PRKN: variants seen among roughly 807,000 people sequenced by gnomAD.
The protein encoded by PRKN is parkin RBR E3 ubiquitin protein ligase, also known as E3 ubiquitin-protein ligase parkin.
Under a neutral mutation model 59.5 loss-of-function variants are expected in PRKN, and 56 were observed. The ratio of observed to expected loss-of-function variants is 0.94; its 90% confidence interval spans 0.76 to 1.18. The LOEUF is 1.18. Ranked by LOEUF, PRKN falls within the 50% of genes most tolerant of loss-of-function variation. The pLI is 0.00. For missense variants in PRKN, 657 were observed against 596.4 expected (o/e 1.10, Z -1.06); for synonymous variants, 250 against 222.1 (o/e 1.13, Z -1.12).
chr6:161,428,059 G>C lies in PRKN; in HGVS notation c.1084-41182C>G, dbSNP rs146907692. Among the ~76,000 whole-genome samples the C allele has an allele frequency of 6.6e-6, 1 of 152,150 alleles. No individual in the cohort carries two copies. The highest frequency in any genetic ancestry group is 1.5e-5 in the Non-Finnish European group (1 of 68,036). ...CTCGCTGCAGTCTGAGTGTGTCTCC[G>C]TGGAGCTCGGCATTTGGACACAGCT... On this transcript the variant is annotated intron_variant, in intron 9 of 11. Transcript: ENST00000366898. The surrounding 1 kb of genome is among the most constrained non-coding windows in gnomAD (Gnocchi z 4.0).
At chr6:161,622,040 G>A (rs747586324) in intron 7 of PRKN, among the ~76,000 whole-genome samples, 31 of 152,034 alleles carry the variant, frequency 2.0e-4, no homozygotes, top group Non-Finnish European at 3.5e-4. Context: ...CTGGTGTAAC[G>A]AGCGCTTTTG....
chr6:162,337,682 C>T (rs1783905522), intron 2 of PRKN, among the ~76,000 whole-genome samples: 1 of 152,162 alleles, frequency 6.6e-6, no homozygotes, highest in African/African-American at 2.4e-5. Context: ...ATCATTCCTC[C>T]TTGGCCCCAT....
chr6:161,557,497 A>G (rs6939378), intron 8 of PRKN, among the ~76,000 whole-genome samples: 2,102 of 152,230 alleles, frequency 0.014, 46 homozygotes, highest in African/African-American at 0.049. Flanking sequence ...TGTTGACTGC[A>G]TGTTAAGTAC....
intron 7 of PRKN, among the ~76,000 whole-genome samples, chr6:161,754,510 T>G (rs1363673269): frequency 6.6e-6 from 1 of 152,020 alleles, no homozygotes; most frequent in Non-Finnish European, 1.5e-5. Context: ...CGGTGCGTGA[T>G]TAGCAGCAGG....
At chr6:162,067,178 C>T (rs1778377539) in intron 4 of PRKN, among the ~76,000 whole-genome samples, 1 of 152,178 alleles carries the variant, frequency 6.6e-6, no homozygotes, top group Admixed American at 6.5e-5. Context: ...TCATGAAGTG[C>T]CACAGCAGCC....
chr6:161,548,038 T>G lies in PRKN; in HGVS notation c.1083+816A>C, dbSNP rs1355267103. ...AATACAACTCTGCTATCTGTGCTCC[T>G]TCTTGCACAAAACTCCTCATGAAGT... On this transcript the variant is annotated intron_variant, in intron 9 of 11. Coordinates refer to ENST00000366898, the MANE Select transcript of PRKN (RefSeq NM_004562.3). The surrounding 1 kb of genome is among the most constrained non-coding windows in gnomAD (Gnocchi z 4.2). Among the ~76,000 whole-genome samples, 1 of 152,228 alleles carries G rather than the reference T, an allele frequency of 6.6e-6. No homozygotes were observed. The highest frequency in any genetic ancestry group is 1.5e-5 in the Non-Finnish European group (1 of 68,046).
chr6:162,240,024 T>C (rs1034327130), intron 3 of PRKN, among the ~76,000 whole-genome samples: 1 of 152,136 alleles, frequency 6.6e-6, no homozygotes, highest in Non-Finnish European at 1.5e-5. Context: ...GGTCACATCA[T>C]AGTAAATCTT....
At position 162,081,869 on chromosome 6, in the gene PRKN, G is replaced by A. The variant is rs80309451; in HGVS notation, c.535-27695C>T. On this transcript the variant is annotated intron_variant, in intron 4 of 11. Transcript: ENST00000366898. ...ACTGTGGCCACCTTCATCATTGACCGTAGCTAGGTCTTCTACATAACTTGA... is the reference window on the plus strand; with the variant it reads ...ACTGTGGCCACCTTCATCATTGACCATAGCTAGGTCTTCTACATAACTTGA... Among the ~76,000 whole-genome samples the A allele has an allele frequency of 1.7e-4, 26 of 152,162 alleles. No homozygotes were observed. The South Asian group carries it at 1.9e-3, about 11-fold the overall frequency.
chr6:161,499,015 CT>C lies in PRKN; in HGVS notation c.1083+49838del, dbSNP rs1408081668. ...GATGCTTTGCAACCTCCGCACATTT[CT>C]CAGAACTCAGGCTGAAACCCTGTGA... On this transcript the variant is annotated intron_variant, in intron 9 of 11. Coordinates refer to ENST00000366898, the MANE Select transcript of PRKN (RefSeq NM_004562.3). The surrounding 1 kb of genome is among the most constrained non-coding windows in gnomAD (Gnocchi z 4.2). Among the ~76,000 whole-genome samples, 2 of 152,122 alleles carry C rather than the reference CT, an allele frequency of 1.3e-5. No homozygotes were observed. The highest frequency in any genetic ancestry group is 2.9e-5 in the Non-Finnish European group (2 of 68,044).
Position 162,727,728 on chromosome 6 carries a change from G to A in PRKN, c.-60C>T, listed in dbSNP as rs1490894997. 2.9e-5 allele frequency: 44 copies of A among 1,534,040 alleles called. 1 individual carries two copies. The African/African-American group carries it at 2.9e-4, about 10-fold the overall frequency. ...CAGGCCCATGCGCGCAGCGGCGCCA[G>A]CCGCGCCTCCCACCAGCGGCTCTCC... On this transcript the variant is annotated 5_prime_UTR_variant, in exon 1 of 12. Coordinates refer to ENST00000366898, the MANE Select transcript of PRKN (RefSeq NM_004562.3).
intron 4 of PRKN, among the ~76,000 whole-genome samples, chr6:162,124,121 C>T (rs576073848): frequency 6.6e-6 from 1 of 152,166 alleles, no homozygotes; most frequent in Non-Finnish European, 1.5e-5. Context: ...GGAGAACTAG[C>T]CTCATCATGC....
At position 161,875,012 on chromosome 6, in the gene PRKN, T is replaced by A. The variant is rs1223213658; in HGVS notation, c.735-89104A>T. ...ACTTTATATATAATATATTATATAT[T>A]ATATATAAAGTATATAATATAATAA... is the stretch of plus-strand genomic sequence containing the variant. On this transcript the variant is annotated intron_variant, in intron 6 of 11. Transcript: ENST00000366898. 1.3e-4 allele frequency among the ~76,000 whole-genome samples: 14 copies of A among 106,962 alleles called. 2 individuals carry two copies. The highest frequency in any genetic ancestry group is 5.6e-4 in the African/African-American group (13 of 23,084). The allele number at this position is 106,962 out of a possible 152,430, so 70.2% of individuals were successfully genotyped here.
At chr6:161,724,868 G>A (rs1787374305) in intron 7 of PRKN, among the ~76,000 whole-genome samples, 1 of 152,216 alleles carries the variant, frequency 6.6e-6, no homozygotes, top group South Asian at 2.1e-4. Context: ...TGGAGATGGG[G>A]CCTGGTAGGA....
intron 1 of PRKN, among the ~76,000 whole-genome samples, chr6:162,524,025 GCC>G (rs1286806808): frequency 6.6e-6 from 1 of 151,872 alleles, no homozygotes; most frequent in African/African-American, 2.4e-5. Flanking sequence ...ACCTTTCTGT[GCC>G]CCCGTTATAA....
chr6:162,664,639 G>T (rs1237000679), intron 1 of PRKN, among the ~76,000 whole-genome samples: 1 of 152,140 alleles, frequency 6.6e-6, no homozygotes, highest in Non-Finnish European at 1.5e-5. Flanking sequence ...TTTCTCTGGT[G>T]ATCAGTGATG....
chr6:162,092,557 C>G (rs1039301996), intron 4 of PRKN, among the ~76,000 whole-genome samples: 5 of 152,054 alleles, frequency 3.3e-5, no homozygotes, highest in African/African-American at 1.2e-4. Context: ...ATGATACTAC[C>G]TAGTAAATAA....
chr6:162,053,341 T>G (rs1412022925), intron 5 of PRKN, among the ~76,000 whole-genome samples: 1 of 152,164 alleles, frequency 6.6e-6, no homozygotes, highest in African/African-American at 2.4e-5. Context: ...AGGCTGACAT[T>G]TGTGCTGGCA....
intron 6 of PRKN, among the ~76,000 whole-genome samples, chr6:161,954,036 T>C (rs951873947): frequency 3.3e-5 from 5 of 152,140 alleles, no homozygotes; most frequent in African/African-American, 1.2e-4. Context: ...TACCTCCCAA[T>C]GTTATTCTGA....
At chr6:162,151,807 T>A (rs1344105347) in intron 4 of PRKN, among the ~76,000 whole-genome samples, 2 of 152,120 alleles carry the variant, frequency 1.3e-5, no homozygotes, top group Admixed American at 1.3e-4. Context: ...AATAATCAAT[T>A]TTTTTATTCA....
Sources: allele counts gnomAD v4.1 joint callset (sites outside exome capture counted in the v4.1 genomes callset), GRCh38; gene constraint gnomAD v4.1.1; non-coding constraint Gnocchi (gnomAD v3.1); transcripts MANE v1.5; gene names NCBI Gene and HGNC (gene_info 2026-07-23, HGNC 2026-07-21).